Variants in OSBP2 observed in about 807,000 individuals in gnomAD.
OSBP2 encodes oxysterol-binding protein 2.
A neutral mutation model predicts 96.0 loss-of-function variants in OSBP2; 66 were observed. The ratio of observed to expected loss-of-function variants is 0.69; its 90% confidence interval spans 0.56 to 0.84. OSBP2 has a LOEUF of 0.84. Among genes scored for constraint, OSBP2 ranks in the 40% least tolerant of loss-of-function variants. The probability of loss-of-function intolerance (pLI) is 0.00; values close to 1 mark genes in which losing one functional copy is unlikely to be tolerated. For synonymous variants in OSBP2, 525 were observed against 520.9 expected (o/e 1.01, Z -0.11); for missense variants, 1,038 against 1,222.7 (o/e 0.85, Z 2.25).
rs145577607 is a variant in OSBP2 at position 30,720,337 on chromosome 22, A to C, written c.645-20824A>C. Among the ~76,000 whole-genome samples the C allele has an allele frequency of 2.6e-3, 400 of 152,240 alleles. 1 individual carries two copies. The highest frequency in any genetic ancestry group is 9.0e-3 in the African/African-American group (374 of 41,558). Reference sequence around the variant, plus strand: ...CTGTCATGAGGGCTGCGGTCATTTGAAGGCTTGACTGGCTGGAGACTCCAC... The same window carrying C: ...CTGTCATGAGGGCTGCGGTCATTTGCAGGCTTGACTGGCTGGAGACTCCAC... On this transcript the variant is annotated intron_variant, in intron 1 of 13. Coordinates refer to ENST00000332585, the MANE Select transcript of OSBP2 (RefSeq NM_030758.4).
At chr22:30,891,064 G>A (rs1045982720) in intron 8 of OSBP2, 91 bp downstream of exon 8, 19 of 1,480,852 alleles carry the variant, frequency 1.3e-5, no homozygotes, top group African/African-American at 2.7e-5. Flanking sequence ...GGGAGGCAGC[G>A]TCTGTCTGAC....
At chr22:30,795,614 G>A (rs2145832863) in intron 2 of OSBP2, among the ~76,000 whole-genome samples, 1 of 150,258 alleles carries the variant, frequency 6.7e-6, no homozygotes, top group East Asian at 2.0e-4. Context: ...CCGCCTCCCA[G>A]GTTCAAGCAA....
chr22:30,707,716 CAA>C (rs754029016), intron 1 of OSBP2, among the ~76,000 whole-genome samples: 18 of 109,978 alleles, frequency 1.6e-4, no homozygotes, highest in Non-Finnish European at 1.9e-4. Flanking sequence ...GACTCTGTCT[CAA>C]AAAAAAAAAA....
chr22:30,730,774 C>CTCTATATATA (rs1569100458), intron 1 of OSBP2, among the ~76,000 whole-genome samples: 1 of 13,840 alleles, frequency 7.2e-5, no homozygotes, highest in Non-Finnish European at 1.4e-4. Flanking sequence ...CTCTCTCTCT[C>CTCTATATATA]TATATATATA....
intron 2 of OSBP2, among the ~76,000 whole-genome samples, chr22:30,848,171 T>C (rs189791767): frequency 2.0e-4 from 31 of 152,314 alleles, no homozygotes; most frequent in Non-Finnish European, 3.8e-4. Flanking sequence ...AGTCTCTTTT[T>C]GAAGGGCATT....
At chr22:30,858,130 TG>T (rs6147588) in intron 2 of OSBP2, among the ~76,000 whole-genome samples, 6,006 of 138,790 alleles carry the variant, frequency 0.043, 710 homozygotes, top group African/African-American at 0.15. Context: ...GTTTTTTTTT[TG>T]TTTGTTTGTT....
intron 12 of OSBP2, chr22:30,902,365 C>G (rs1478443083): frequency 1.3e-6 from 2 of 1,578,114 alleles, no homozygotes; most frequent in East Asian, 2.2e-5. Context: ...ATATAGAATT[C>G]GATGAAGTGG....
chr22:30,857,153 CT>C (rs763838924), intron 2 of OSBP2, among the ~76,000 whole-genome samples: 16 of 152,224 alleles, frequency 1.1e-4, no homozygotes, highest in Non-Finnish European at 2.2e-4. Context: ...AGCAGCCCCC[CT>C]GGCAGGGACC....
intron 12 of OSBP2, among the ~76,000 whole-genome samples, chr22:30,905,123 G>GC (rs1431387111): frequency 6.9e-6 from 1 of 144,838 alleles, no homozygotes; most frequent in Non-Finnish European, 1.5e-5. Flanking sequence ...GGGCCACAGA[G>GC]CGAGACCCGT....
intron 2 of OSBP2, among the ~76,000 whole-genome samples, chr22:30,745,220 A>G (rs2089983492): frequency 6.6e-6 from 1 of 152,240 alleles, no homozygotes; most frequent in South Asian, 2.1e-4. Flanking sequence ...TGCCAGAAAA[A>G]AATACAAAAA....
chr22:30,802,727 T>G (rs2090868850), intron 2 of OSBP2, among the ~76,000 whole-genome samples: 1 of 152,190 alleles, frequency 6.6e-6, no homozygotes. Flanking sequence ...CGGGGACCGA[T>G]CGGTGGCCTC....
chr22:30,886,758 T>TTAGA (rs1236936669), intron 3 of OSBP2, among the ~76,000 whole-genome samples: 2 of 152,120 alleles, frequency 1.3e-5, no homozygotes. Flanking sequence ...CCCAGACGCC[T>TTAGA]TAGATAGGAA....
rs1335263589 is a variant in OSBP2 at position 30,730,762 on chromosome 22, CT to C, written c.645-10398del. Reference sequence around the variant, plus strand: ...TCTCTCTCTCTCTCTCTCTCTCTCTCTCTCTCTCTCTCTATATATATATATA... The same window carrying C: ...TCTCTCTCTCTCTCTCTCTCTCTCTCCTCTCTCTCTCTATATATATATATA... On this transcript the variant is annotated intron_variant, in intron 1 of 13. Transcript: ENST00000332585. Among the ~76,000 whole-genome samples, 29 of 39,500 alleles carry C rather than the reference CT, an allele frequency of 7.3e-4. 2 individuals are homozygous for C. The highest frequency in any genetic ancestry group is 1.2e-3 in the Non-Finnish European group (25 of 21,066). 25.9% of individuals were successfully genotyped at this position (39,500 alleles called of 152,430 possible). A position where few individuals can be genotyped will look rare whatever the true frequency, so the allele number is the denominator to read the frequency against.
At chr22:30,813,131 T>C (rs1569134556) in intron 2 of OSBP2, among the ~76,000 whole-genome samples, 1 of 151,346 alleles carries the variant, frequency 6.6e-6, no homozygotes, top group Admixed American at 6.6e-5. Flanking sequence ...TTTTTAGTAG[T>C]AGGGGGAAAA....
chr22:30,698,352 C>T (rs2089089054), intron 1 of OSBP2, among the ~76,000 whole-genome samples: 1 of 151,988 alleles, frequency 6.6e-6, no homozygotes, highest in African/African-American at 2.4e-5. Context: ...ACCTGCTGGG[C>T]AATGTGGCTG....
chr22:30,749,597 G>A (rs1040412876), intron 2 of OSBP2, among the ~76,000 whole-genome samples: 12 of 151,962 alleles, frequency 7.9e-5, no homozygotes, highest in Admixed American at 2.6e-4. Flanking sequence ...CCACAGACTC[G>A]TTTCTAATTT....
chr22:30,730,774 C>CTATATATATATATATA (rs1206537838), intron 1 of OSBP2, among the ~76,000 whole-genome samples: 8 of 13,824 alleles, frequency 5.8e-4, no homozygotes, highest in Admixed American at 9.5e-4. Flanking sequence ...CTCTCTCTCT[C>CTATATATATATATATA]TATATATATA....
intron 2 of OSBP2, among the ~76,000 whole-genome samples, chr22:30,767,994 A>G (rs550209528): frequency 6.6e-6 from 1 of 152,298 alleles, no homozygotes; most frequent in South Asian, 2.1e-4. Flanking sequence ...CTTATTCTTT[A>G]GGAGGTGTGA....
intron 1 of OSBP2, among the ~76,000 whole-genome samples, chr22:30,725,557 C>A (rs1019531367): frequency 2.1e-5 from 3 of 140,890 alleles, no homozygotes; most frequent in Non-Finnish European, 4.7e-5. Flanking sequence ...AAAAAAAAAA[C>A]ACACAAAAAA....
Sources: allele counts gnomAD v4.1 joint callset (sites outside exome capture counted in the v4.1 genomes callset), GRCh38; gene constraint gnomAD v4.1.1; transcripts MANE v1.5; gene names NCBI Gene and HGNC (gene_info 2026-07-23, HGNC 2026-07-21).